Variants in SCUBE1 observed in about 807,000 individuals in gnomAD.
SCUBE1 encodes signal peptide, CUB domain and EGF like domain containing 1, also known as signal peptide, CUB and EGF-like domain-containing protein 1.
In SCUBE1, 59 loss-of-function variants were observed where a neutral mutation model predicts 124.4. The ratio of observed to expected loss-of-function variants is 0.47; its 90% confidence interval spans 0.38 to 0.59. The LOEUF is 0.59. Ranked by LOEUF, SCUBE1 falls within the 20% of genes least tolerant of loss-of-function variation. SCUBE1 has a pLI of 0.00. For missense variants in SCUBE1, 1,150 were observed against 1,371.2 expected, an observed-to-expected ratio of 0.84 and a Z score of 2.55; for synonymous variants, 545 against 550.9, an observed-to-expected ratio of 0.99 and a Z score of 0.15.
At position 43,238,909 on chromosome 22, in the gene SCUBE1, T is replaced by A; in HGVS notation, c.773A>T (p.Asp258Val). 6.2e-7 allele frequency: 1 copy of A among 1,613,112 alleles called. No homozygotes were observed. The highest frequency in any genetic ancestry group is 8.5e-7 in the Non-Finnish European group (1 of 1,180,002). The change falls in exon 7 of 22, where the codon GAC becomes GTC. Residue 258 changes from aspartate (D) to valine (V), a missense_variant. Coordinates refer to ENST00000360835, the MANE Select transcript of SCUBE1 (RefSeq NM_173050.5). Reference sequence around the variant, plus strand: ...GCTGCATCGCACGCCAGTGGCTGTGTCCTTGCATGTCCGGTCGCAGCCTCC... The same window carrying A: ...GCTGCATCGCACGCCAGTGGCTGTGACCTTGCATGTCCGGTCGCAGCCTCC... ...NNGGCDRTCK[D>V]TATGVRCSCP... is the part of the protein sequence containing the mutation.
chr22:43,250,312 G>A (rs920460597), intron 6 of SCUBE1, among the ~76,000 whole-genome samples: 2 of 152,204 alleles, frequency 1.3e-5, no homozygotes, highest in Non-Finnish European at 2.9e-5. Context: ...CAGATGCTGC[G>A]ACTGCTCCCA....
In SCUBE1 at chr22:43,281,480, CCCTCTTTGGCCACCCTCCTGTCACCTCCT is replaced by C. The variant is rs1569010748; in HGVS notation, c.484+9537_484+9565del. ...TCCCTCAGCCACCCTCCTGTCACCT[CCCTCTTTGGCCACCCTCCTGTCACCTCCT>C]CCTCAGCCACCCTCCTGTCACCTCC... On this transcript the variant is annotated intron_variant, in intron 4 of 21. Transcript: ENST00000360835. Among the ~76,000 whole-genome samples the C allele has an allele frequency of 1.8e-4, 20 of 113,398 alleles. 1 individual carries two copies. Among genetic ancestry groups the C allele is most frequent in the Non-Finnish European group, 1.8e-4 (11 of 60,832 alleles). 74.4% of individuals were successfully genotyped at this position (113,398 alleles called of 152,430 possible).
intron 3 of SCUBE1, among the ~76,000 whole-genome samples, chr22:43,305,689 C>G (rs915390846): frequency 6.6e-6 from 1 of 152,124 alleles, no homozygotes; most frequent in Admixed American, 6.5e-5. Context: ...GGGGAGGGTC[C>G]CACTCGGCAG....
chr22:43,328,011 T>C (rs1926783103), intron 2 of SCUBE1, among the ~76,000 whole-genome samples: 5 of 152,194 alleles, frequency 3.3e-5, no homozygotes. Context: ...GATCTCTGCC[T>C]GGGTGAAGGG....
rs557705756 is a variant in SCUBE1 at position 43,240,750 on chromosome 22, T to TG, written c.728-1797dup. Among the ~76,000 whole-genome samples the TG allele has an allele frequency of 3.4e-4, 52 of 152,324 alleles. No individual in the cohort carries two copies. The East Asian group carries it at 9.6e-3, about 28-fold the overall frequency. Reference sequence around the variant, plus strand: ...GGCTGACAACCAGAGAGGGAACTCCTGCCTCCCACTCCCAATCCAGGAGCC... The same window carrying TG: ...GGCTGACAACCAGAGAGGGAACTCCTGGCCTCCCACTCCCAATCCAGGAGCC... On this transcript the variant is annotated intron_variant, in intron 6 of 21. Transcript: ENST00000360835.
At chr22:43,339,346 G>T in intron 1 of SCUBE1, 111 bp from the exon 2 acceptor site, 1 of 1,059,324 alleles carries the variant, frequency 9.4e-7, no homozygotes, top group Non-Finnish European at 1.4e-6. Context: ...TGATCGGTGG[G>T]CTCATTGGCA....
intron 3 of SCUBE1, among the ~76,000 whole-genome samples, chr22:43,293,441 G>T (rs574552829): frequency 6.6e-4 from 100 of 152,324 alleles, no homozygotes; most frequent in African/African-American, 2.3e-3. Context: ...TTGGCCCCAG[G>T]CTAAGCTGGC....
At position 43,315,463 on chromosome 22, in the gene SCUBE1, C is replaced by T. The variant is rs115928917; in HGVS notation, c.349+4474G>A. On this transcript the variant is annotated intron_variant, in intron 3 of 21. Transcript: ENST00000360835. The stretch of plus-strand genomic sequence containing the variant: ...CATGATCCTAGAGTACGAGGTACTC[C>T]AGTTCTTACAGCATTTCATGGATGA... Among the ~76,000 whole-genome samples, 1,447 of 152,260 alleles carry T rather than the reference C, an allele frequency of 9.5e-3. 33 individuals carry two copies. Among genetic ancestry groups the T allele is most frequent in the African/African-American group, 0.033 (1,388 of 41,540 alleles).
At chr22:43,293,857 T>C (rs1925462102) in intron 3 of SCUBE1, among the ~76,000 whole-genome samples, 1 of 152,206 alleles carries the variant, frequency 6.6e-6, no homozygotes, top group Admixed American at 6.5e-5. Context: ...GCAGAAATGC[T>C]ACCTCATCCC....
chr22:43,248,202 G>A (rs903934952), intron 6 of SCUBE1, among the ~76,000 whole-genome samples: 3 of 152,234 alleles, frequency 2.0e-5, no homozygotes, highest in African/African-American at 4.8e-5. Flanking sequence ...AAAAGGAGCA[G>A]ATGGGGGTCA....
intron 3 of SCUBE1, among the ~76,000 whole-genome samples, chr22:43,305,443 C>CG (rs36088601): frequency 6.6e-6 from 1 of 152,086 alleles, no homozygotes; most frequent in East Asian, 1.9e-4. Context: ...TCCCTCTGCC[C>CG]GGGGGGCTGG....
At chr22:43,310,564 A>C (rs1346613485) in intron 3 of SCUBE1, among the ~76,000 whole-genome samples, 1 of 152,144 alleles carries the variant, frequency 6.6e-6, no homozygotes, top group Non-Finnish European at 1.5e-5. Context: ...CCCAGCTTTC[A>C]AGTCTCCCAG....
chr22:43,220,218 T>C (rs949233546), intron 14 of SCUBE1, among the ~76,000 whole-genome samples: 1 of 152,204 alleles, frequency 6.6e-6, no homozygotes, highest in African/African-American at 2.4e-5. Context: ...ACCTCGGCTC[T>C]TCTGTCTCAT....
chr22:43,258,154 G>C lies in SCUBE1; in HGVS notation c.727+65C>G. 9.1e-7 allele frequency: 1 copy of C among 1,093,412 alleles called. No individual in the cohort carries two copies. The highest frequency in any genetic ancestry group is 1.4e-6 in the Non-Finnish European group (1 of 716,522). 67.7% of individuals were successfully genotyped at this position (1,093,412 alleles called of 1,614,324 possible). A position where few individuals can be genotyped will look rare whatever the true frequency, so the allele number is the denominator to read the frequency against. On this transcript the variant is annotated intron_variant, in intron 6 of 21. Transcript: ENST00000360835. This position sits in a 1 kb window ranked among gnomAD's most constrained non-coding sequence, Gnocchi z 5.0. ...ACGTGGCAGGGTGCTGGCCCTGCTGGTGCACGCATGGGGGGTCGGGGGCGG... is the reference window on the plus strand; with the variant it reads ...ACGTGGCAGGGTGCTGGCCCTGCTGCTGCACGCATGGGGGGTCGGGGGCGG...
intron 21 of SCUBE1, among the ~76,000 whole-genome samples, chr22:43,207,136 G>A (rs957647359): frequency 8.5e-5 from 13 of 152,296 alleles, no homozygotes; most frequent in Admixed American, 2.6e-4. Context: ...GCAGGAAGAG[G>A]AGGGAGCCTA....
intron 3 of SCUBE1, among the ~76,000 whole-genome samples, chr22:43,297,841 CAG>C (rs531111050): frequency 1.2e-3 from 181 of 152,332 alleles, no homozygotes; most frequent in African/African-American, 3.5e-3. Context: ...CGATTTGAAA[CAG>C]AGACTCCGTG....
intron 3 of SCUBE1, among the ~76,000 whole-genome samples, chr22:43,313,132 C>A (rs1163841405): frequency 6.6e-6 from 1 of 152,192 alleles, no homozygotes; most frequent in East Asian, 1.9e-4. Context: ...CAAATCCAGG[C>A]ACACAGGAGG....
In SCUBE1 at chr22:43,210,864, C is replaced by A. The variant is rs1234503570; in HGVS notation, c.2383+58G>T. On this transcript the variant is annotated intron_variant, in intron 18 of 21. Transcript: ENST00000360835. This position sits in a 1 kb window ranked among gnomAD's most constrained non-coding sequence, Gnocchi z 4.5. ...GAGATCAGGTCTCCTCCCGCCCCCA[C>A]AACCTGCCCAGCCCCTCCCGTGTTC... is the stretch of plus-strand genomic sequence containing the variant. 3 of 1,599,454 alleles carry A rather than the reference C, an allele frequency of 1.9e-6. No homozygotes were observed. The highest frequency in any genetic ancestry group is 1.1e-5 in the South Asian group (1 of 90,230).
In SCUBE1 at chr22:43,255,973, C is replaced by T. The variant is rs1367603125; in HGVS notation, c.727+2246G>A. 3.3e-5 allele frequency among the ~76,000 whole-genome samples: 5 copies of T among 152,248 alleles called. No homozygotes were observed. Among genetic ancestry groups the T allele is most frequent in the East Asian group, 3.9e-4 (2 of 5,172 alleles). On this transcript the variant is annotated intron_variant, in intron 6 of 21. Coordinates refer to ENST00000360835, the MANE Select transcript of SCUBE1 (RefSeq NM_173050.5). The surrounding 1 kb of genome is among the most constrained non-coding windows in gnomAD (Gnocchi z 4.7). ...GGAGACACAAGTGATTACAGACCCC[C>T]GTGGCTCAGGCTGGAGAGGCAGGCA...
Sources: allele counts gnomAD v4.1 joint callset (sites outside exome capture counted in the v4.1 genomes callset), GRCh38; gene constraint gnomAD v4.1.1; non-coding constraint Gnocchi (gnomAD v3.1); transcripts MANE v1.5; gene names NCBI Gene and HGNC (gene_info 2026-07-23, HGNC 2026-07-21).